GLYR1: variants seen among roughly 807,000 people sequenced by gnomAD.
GLYR1 encodes cytokine-like nuclear factor N-PAC.
A neutral mutation model predicts 72.7 loss-of-function variants in GLYR1; 21 were observed. The observed-to-expected ratio is 0.29, with a 90% CI of 0.20 to 0.42. The LOEUF is 0.42. Ranked by LOEUF, GLYR1 falls within the 10% of genes least tolerant of loss-of-function variation. The probability of loss-of-function intolerance (pLI) is 1.00; values close to 1 mark genes in which losing one functional copy is unlikely to be tolerated. For missense variants in GLYR1, 594 were observed against 712.1 expected (o/e 0.83, Z 1.89); for synonymous variants, 392 against 270.2 (o/e 1.45, Z -4.42).
chr16:4,814,587 T>C lies in GLYR1; in HGVS notation c.967A>G (p.Thr323Ala), dbSNP rs761912115. Residue 323 changes from threonine to alanine, a missense_variant, in exon 11 of 16, where the codon ACC becomes GCC. Physicochemically the swap from Thr to Ala is moderately conservative, Grantham distance 58 (BLOSUM62 0). Around this residue, in one of 5 missense-constraint regions of GLYR1, gnomAD observed 266 missense variants for 358.4 expected, o/e 0.74. Transcript: ENST00000321919. ...LGRTPAEVVS[T>A]CDITFACVSD... ...ACGCAGGCGAAAGTGATGTCGCAGG[T>C]TGAGACGACTTCAGCGGGGGTTCTT... The C allele has an allele frequency of 2.5e-6, 4 of 1,613,962 alleles. No homozygotes were observed. The highest frequency in any genetic ancestry group is 2.2e-5 in the South Asian group (2 of 91,084).
chr16:4,823,326 G>A (rs2084161734), intron 6 of GLYR1, among the ~76,000 whole-genome samples: 1 of 152,210 alleles, frequency 6.6e-6, no homozygotes, highest in African/African-American at 2.4e-5. Flanking sequence ...CTGGTACCAA[G>A]CCCTTGGCGA....
intron 3 of GLYR1, among the ~76,000 whole-genome samples, chr16:4,838,721 G>C (rs573664418): frequency 6.6e-6 from 1 of 152,072 alleles, no homozygotes; most frequent in Non-Finnish European, 1.5e-5. Context: ...CGAGTAGCTG[G>C]GACTACAGGT....
rs1228554859 is a variant in GLYR1 at position 4,805,455 on chromosome 16, A to C, written c.1588-145T>G. 3 of 695,174 alleles carry C rather than the reference A, an allele frequency of 4.3e-6. No individual in the cohort carries two copies. The African/African-American group carries it at 5.3e-5, about 12-fold the overall frequency. 43.1% of individuals were successfully genotyped at this position (695,174 alleles called of 1,614,324 possible). A position where few individuals can be genotyped will look rare whatever the true frequency, so the allele number is the denominator to read the frequency against. On this transcript the variant is annotated intron_variant, in intron 15 of 15. Coordinates refer to ENST00000321919, the MANE Select transcript of GLYR1 (RefSeq NM_032569.4). ...GTTAGGAATCCTGTGTTGACCTTGC[A>C]TGAAGCACCTCCGTTTCTCTGGACC...
Position 4,816,777 on chromosome 16 carries a change from G to C in GLYR1, c.906+821C>G, listed in dbSNP as rs896871362. 6.6e-5 allele frequency among the ~76,000 whole-genome samples: 10 copies of C among 152,076 alleles called. No homozygotes were observed. In the East Asian group the frequency reaches 2.0e-3, roughly 30 times the overall value. ...AAGGCGGGTGGATCACCTGAGGTCA[G>C]AAGTTCGAGACCAGCCTGGCTAACA... is the stretch of plus-strand genomic sequence containing the variant. On this transcript the variant is annotated intron_variant, in intron 10 of 15. Transcript: ENST00000321919.
In GLYR1 at chr16:4,847,151, C is replaced by T. The variant is rs2086204763; in HGVS notation, c.38+77G>A. The T allele has an allele frequency of 1.1e-5, 15 of 1,383,102 alleles. No individual in the cohort carries two copies. In the South Asian group the frequency reaches 1.3e-4, roughly 12 times the overall value. The allele number at this position is 1,383,102 out of a possible 1,614,324, so 85.7% of individuals were successfully genotyped here. A position where few individuals can be genotyped will look rare whatever the true frequency, so the allele number is the denominator to read the frequency against. On this transcript the variant is annotated intron_variant, in intron 1 of 15. Coordinates refer to ENST00000321919, the MANE Select transcript of GLYR1 (RefSeq NM_032569.4). ...CCTGGAGCGCATAAAAAGGCAGCTC[C>T]AGGGCCGGCAGCGAACCCCGCGCCC...
intron 2 of GLYR1, among the ~76,000 whole-genome samples, chr16:4,845,418 C>A (rs939391061): frequency 6.6e-6 from 1 of 152,148 alleles, no homozygotes; most frequent in Non-Finnish European, 1.5e-5. Flanking sequence ...TCAGTAGACA[C>A]AATATCCCTT....
chr16:4,846,614 G>T (rs577018529), intron 1 of GLYR1: 1 of 257,008 alleles, frequency 3.9e-6, no homozygotes, highest in Non-Finnish European at 7.8e-6. Context: ...TACGCAGCTC[G>T]AGGGAGGCGG....
At position 4,807,148 on chromosome 16, in the gene GLYR1, G is replaced by A. The variant is rs2083039781; in HGVS notation, c.1588-1838C>T. On this transcript the variant is annotated intron_variant, in intron 15 of 15. Transcript: ENST00000321919. ...TTTTTTTGAGACGGAGTCTTGGTCT[G>A]TCGCCCAGGCTGGAGTGCAATGGCA... Among the ~76,000 whole-genome samples, 2 of 130,812 alleles carry A rather than the reference G, an allele frequency of 1.5e-5. 1 individual carries two copies. The highest frequency in any genetic ancestry group is 4.7e-4 in the South Asian group (2 of 4,282). 85.8% of individuals were successfully genotyped at this position (130,812 alleles called of 152,430 possible). A position where few individuals can be genotyped will look rare whatever the true frequency, so the allele number is the denominator to read the frequency against.
rs2082869733 is a variant in GLYR1, at chr16:4,804,683, GGGCCCCAA to G, written c.*545_*552del. On this transcript the variant is annotated 3_prime_UTR_variant, in exon 16 of 16. Transcript: ENST00000321919. ...TCTCAGCTCATCACCTGAGGTTGGA[GGGCCCCAA>G]GGGCCCCTCTGTCTGGAGTCTGTAC... 6.3e-6 allele frequency: 1 copy of G among 158,750 alleles called. No individual in the cohort carries two copies. Among genetic ancestry groups the G allele is most frequent in the Non-Finnish European group, 1.4e-5 (1 of 71,468 alleles). The allele number at this position is 158,750 out of a possible 1,614,324, so 9.8% of individuals were successfully genotyped here.
chr16:4,817,474 C>T (rs2141973368), intron 10 of GLYR1, 124 bp downstream of exon 10: 2 of 649,138 alleles, frequency 3.1e-6, no homozygotes, highest in Non-Finnish European at 5.5e-6. Context: ...CTCTACCTGC[C>T]TGGACTAAAA....
At chr16:4,806,805 CTT>C (rs546117839) in intron 15 of GLYR1, among the ~76,000 whole-genome samples, 16 of 140,888 alleles carry the variant, frequency 1.1e-4, no homozygotes, top group Admixed American at 2.1e-4. Flanking sequence ...ATTCTTTTTT[CTT>C]TTTTTTTTTT....
chr16:4,847,183 G>A (rs1246798979), intron 1 of GLYR1, 45 bp downstream of exon 1: 2 of 1,557,590 alleles, frequency 1.3e-6, no homozygotes, highest in South Asian at 1.1e-5. Context: ...GCCCAGGCGG[G>A]TAGCTCCCCG....
At chr16:4,839,000 C>T (rs1238481639) in intron 3 of GLYR1, among the ~76,000 whole-genome samples, 1 of 152,194 alleles carries the variant, frequency 6.6e-6, no homozygotes, top group East Asian at 1.9e-4. Flanking sequence ...GATCCTTCTG[C>T]TTCAGTCTCC....
At position 4,804,470 on chromosome 16, in the gene GLYR1, TG is replaced by T; in HGVS notation, c.*765del. Reference sequence around the variant, plus strand: ...GAGGAGCGAGCGCCCGCTGTGGCAGTGGCATCTGGGGCATGGCTTCGAGGCG... The same window carrying T: ...GAGGAGCGAGCGCCCGCTGTGGCAGTGCATCTGGGGCATGGCTTCGAGGCG... On this transcript the variant is annotated 3_prime_UTR_variant, in exon 16 of 16. Transcript: ENST00000321919. 6.5e-6 allele frequency: 1 copy of T among 153,026 alleles called. No homozygotes were observed. Among genetic ancestry groups the T allele is most frequent in the Non-Finnish European group, 1.5e-5 (1 of 68,252 alleles). 9.5% of individuals were successfully genotyped at this position (153,026 alleles called of 1,614,324 possible).
At chr16:4,813,124 G>A (rs1003566201) in intron 12 of GLYR1, among the ~76,000 whole-genome samples, 2 of 151,966 alleles carry the variant, frequency 1.3e-5, no homozygotes, top group African/African-American at 2.4e-5. Flanking sequence ...CACCGCGTCC[G>A]GCTAATTTTT....
intron 5 of GLYR1, among the ~76,000 whole-genome samples, chr16:4,826,511 C>G (rs1419879588): frequency 6.6e-6 from 1 of 152,210 alleles, no homozygotes; most frequent in Non-Finnish European, 1.5e-5. Flanking sequence ...GCCATACAGT[C>G]CAGGTTCAAT....
chr16:4,820,930 G>A (rs1011572139), intron 9 of GLYR1, among the ~76,000 whole-genome samples: 4 of 152,180 alleles, frequency 2.6e-5, no homozygotes, highest in Non-Finnish European at 5.9e-5. Flanking sequence ...TCCCCCACCT[G>A]CCCCACCATG....
chr16:4,844,232 C>T (rs976529353), intron 3 of GLYR1, among the ~76,000 whole-genome samples: 1 of 152,000 alleles, frequency 6.6e-6, no homozygotes, highest in African/African-American at 2.4e-5. Context: ...TCTTCACGTT[C>T]TTCCCGTCAC....
Position 4,832,832 on chromosome 16 carries a change from A to C in GLYR1, c.236T>G (p.Phe79Cys). ...TTCGACAGCATCTACCGCTTGCTGG[A>C]ATCGTTTACCCTTGTTAATTTTTAT... Reference protein sequence around the residue: ...EMIKINKGKRFQQAVDAVEEF... With the variant: ...EMIKINKGKRCQQAVDAVEEF... Residue 79 changes from phenylalanine to cysteine, a missense_variant, in exon 4 of 16, where the codon TTC becomes TGC. By Grantham distance (205) the Phe-to-Cys change is radical. This residue lies in a region of GLYR1 where 4 missense variants were observed against 21.9 expected (regional missense o/e 0.18). Transcript: ENST00000321919. 6.2e-7 allele frequency: 1 copy of C among 1,613,778 alleles called. No individual in the cohort carries two copies.
Sources: gnomAD v4.1 joint callset for allele counts (sites outside exome capture counted in the v4.1 genomes callset) on GRCh38, gnomAD v4.1.1 for gene constraint, gnomAD v4.1.1 regional missense constraint, MANE v1.5 for transcripts, NCBI Gene and HGNC (gene_info 2026-07-23, HGNC 2026-07-21) for gene names.